Variants in TBC1D32 observed in about 807,000 individuals in gnomAD.
TBC1D32 encodes TBC1 domain family member 32, also known as protein broad-minded.
Under a neutral mutation model 170.3 loss-of-function variants are expected in TBC1D32, and 151 were observed. That is an observed-to-expected ratio of 0.89 (90% CI 0.78 to 1.01). The LOEUF is 1.01. Ranked by LOEUF, TBC1D32 falls within the 50% of genes least tolerant of loss-of-function variation. TBC1D32 has a pLI of 0.00. For synonymous variants in TBC1D32, 498 were observed against 488.0 expected (o/e 1.02, Z -0.27); for missense variants, 1,464 against 1,457.1 (o/e 1.00, Z -0.08).
chr6:121,237,134 G>A (rs1383997387), intron 20 of TBC1D32: 1 of 151,612 alleles, frequency 6.6e-6, no homozygotes, highest in African/African-American at 2.4e-5. Flanking sequence ...TTTCATTATT[G>A]GAGTATATTT....
At chr6:121,145,134 A>G (rs915300029) in intron 24 of TBC1D32, among the ~76,000 whole-genome samples, 3 of 152,302 alleles carry the variant, frequency 2.0e-5, no homozygotes, top group Non-Finnish European at 4.4e-5. Flanking sequence ...AGTAAAAGGC[A>G]GGCCAGAAGT....
chr6:121,251,706 G>C (rs796935071), intron 17 of TBC1D32, among the ~76,000 whole-genome samples: 18 of 152,240 alleles, frequency 1.2e-4, no homozygotes, highest in African/African-American at 4.3e-4. Context: ...TTGACAAATG[G>C]GATCTAATTA....
At chr6:121,268,906 C>T (rs951403577) in intron 15 of TBC1D32, among the ~76,000 whole-genome samples, 2 of 152,148 alleles carry the variant, frequency 1.3e-5, no homozygotes, top group East Asian at 1.9e-4. Context: ...AGACTAACAG[C>T]GGATCTCTCG....
At chr6:121,275,054 A>G (rs1432276777) in intron 15 of TBC1D32, among the ~76,000 whole-genome samples, 2 of 152,242 alleles carry the variant, frequency 1.3e-5, no homozygotes, top group African/African-American at 4.8e-5. Context: ...TCAGCTGTGA[A>G]AAGTGTTCAC....
intron 22 of TBC1D32, among the ~76,000 whole-genome samples, chr6:121,180,192 G>A (rs1207938048): frequency 1.3e-5 from 2 of 152,102 alleles, no homozygotes; most frequent in Non-Finnish European, 2.9e-5. Context: ...TCAATACAAT[G>A]ATAATTAAAA....
chr6:121,315,697 A>AAGATT (rs1481544999), intron 3 of TBC1D32, among the ~76,000 whole-genome samples: 1 of 152,062 alleles, frequency 6.6e-6, no homozygotes, highest in Non-Finnish European at 1.5e-5. Flanking sequence ...AGGCATGAAT[A>AAGATT]AGATTGTCAA....
intron 5 of TBC1D32, among the ~76,000 whole-genome samples, chr6:121,306,922 T>C (rs923716253): frequency 6.6e-6 from 1 of 152,230 alleles, no homozygotes; most frequent in Non-Finnish European, 1.5e-5. Context: ...TTAAGCAATC[T>C]CTAAGTAAAC....
intron 15 of TBC1D32, among the ~76,000 whole-genome samples, chr6:121,277,788 A>T (rs1188115590): frequency 1.3e-5 from 2 of 151,838 alleles, no homozygotes; most frequent in East Asian, 1.9e-4. Context: ...AATTAAAAAC[A>T]TGAAATCAAT....
intron 24 of TBC1D32, among the ~76,000 whole-genome samples, chr6:121,139,015 T>G (rs785397): frequency 6.6e-6 from 1 of 151,972 alleles, no homozygotes; most frequent in East Asian, 1.9e-4. Flanking sequence ...TGGCTAATTT[T>G]TTTTGTATTT....
chr6:121,293,401 A>C (rs1027759180), intron 11 of TBC1D32, among the ~76,000 whole-genome samples: 4 of 152,184 alleles, frequency 2.6e-5, no homozygotes, highest in African/African-American at 9.6e-5. Flanking sequence ...TTATTGGTCT[A>C]TCACCATCTC....
intron 29 of TBC1D32, among the ~76,000 whole-genome samples, chr6:121,110,217 G>A (rs1779069556): frequency 6.7e-6 from 1 of 150,046 alleles, no homozygotes; most frequent in South Asian, 2.1e-4. Context: ...TGCCACTGCA[G>A]TCCAGGCTGG....
chr6:121,285,161 AG>A, intron 12 of TBC1D32, among the ~76,000 whole-genome samples: 1 of 152,304 alleles, frequency 6.6e-6, no homozygotes. Context: ...AATGTGTCAG[AG>A]GTCCACAAAA....
intron 30 of TBC1D32, among the ~76,000 whole-genome samples, chr6:121,104,402 C>T (rs576328624): frequency 5.3e-5 from 8 of 151,702 alleles, no homozygotes; most frequent in African/African-American, 1.9e-4. Flanking sequence ...TTCTATAGCA[C>T]TGATGTAGAA....
At chr6:121,326,423 C>T (rs988178242) in intron 1 of TBC1D32, among the ~76,000 whole-genome samples, 9 of 151,928 alleles carry the variant, frequency 5.9e-5, no homozygotes, top group South Asian at 4.1e-4. Flanking sequence ...TTGATCTGAC[C>T]GCTATACATG....
chr6:121,154,609 A>G (rs571278425), intron 24 of TBC1D32, among the ~76,000 whole-genome samples: 1 of 152,350 alleles, frequency 6.6e-6, no homozygotes, highest in South Asian at 2.1e-4. Flanking sequence ...GAAAATCTGG[A>G]AAACACCCTT....
At chr6:121,291,736 G>A (rs1017269983) in intron 12 of TBC1D32, among the ~76,000 whole-genome samples, 6 of 152,088 alleles carry the variant, frequency 3.9e-5, no homozygotes, top group South Asian at 4.2e-4. Flanking sequence ...AACAACAAAG[G>A]TTAAGTGATT....
chr6:121,298,684 C>A lies in TBC1D32; in HGVS notation c.1140+762G>T, dbSNP rs142691843. On this transcript the variant is annotated intron_variant, in intron 10 of 31. Coordinates refer to ENST00000398212, the MANE Select transcript of TBC1D32 (RefSeq NM_152730.6). ...CCCTCTCTTCTTCTGCTGCTCAATT[C>A]TCTGGATTCTCAAACACACAACAAT... is the stretch of plus-strand genomic sequence containing the variant. 2.9e-3 allele frequency among the ~76,000 whole-genome samples: 440 copies of A among 152,088 alleles called. 1 individual carries two copies. The highest frequency in any genetic ancestry group is 9.7e-3 in the African/African-American group (405 of 41,550).
At chr6:121,306,069 C>T (rs1393909324) in intron 5 of TBC1D32, among the ~76,000 whole-genome samples, 1 of 152,124 alleles carries the variant, frequency 6.6e-6, no homozygotes, top group Admixed American at 6.6e-5. Flanking sequence ...GGGAAATTTA[C>T]AATTGCATCC....
intron 20 of TBC1D32, among the ~76,000 whole-genome samples, chr6:121,226,059 T>C (rs1172276674): frequency 2.6e-5 from 4 of 152,148 alleles, no homozygotes; most frequent in African/African-American, 9.7e-5. Context: ...TAAAATTAAT[T>C]CCCCAAGTCA....
Sources: gnomAD v4.1 joint callset for allele counts (sites outside exome capture counted in the v4.1 genomes callset) on GRCh38, gnomAD v4.1.1 for gene constraint, MANE v1.5 for transcripts, NCBI Gene and HGNC (gene_info 2026-07-23, HGNC 2026-07-21) for gene names.